The following ATG10 variants were observed in gnomAD, a reference collection of about 807,000 sequenced individuals.
ATG10 encodes the protein autophagy related 10.
ATG10 carries 30 observed loss-of-function variants against 32.1 expected under a neutral mutation model. The ratio of observed to expected loss-of-function variants is 0.94; its 90% CI spans 0.70 to 1.27. ATG10 has a LOEUF of 1.27. ATG10 is among the 50% of genes most tolerant of loss of function. The pLI is 0.00. For missense variants in ATG10, 233 were observed against 262.3 expected, an observed-to-expected ratio of 0.89 and a Z score of 0.77; for synonymous variants, 87 against 91.5, an observed-to-expected ratio of 0.95 and a Z score of 0.28.
At chr5:81,991,554 G>A (rs1225238470) in intron 2 of ATG10, among the ~76,000 whole-genome samples, 1 of 152,090 alleles carries the variant, frequency 6.6e-6, no homozygotes, top group African/African-American at 2.4e-5. Context: ...TTTACTTTGG[G>A]AGGCCAAGGC....
Position 82,079,219 on chromosome 5 carries a change from G to A in ATG10, c.216+20617G>A, listed in dbSNP as rs549998685. 3.3e-5 allele frequency among the ~76,000 whole-genome samples: 5 copies of A among 152,202 alleles called. No homozygotes were observed. The South Asian group carries it at 1.0e-3, about 32-fold the overall frequency. On this transcript the variant is annotated intron_variant, in intron 3 of 7. Transcript: ENST00000282185. ...TCATGCTGCTGATAGAGATATACCCGAGACTAGGAAGGAAAAGAGGTTTAA... is the reference window on the plus strand; with the variant it reads ...TCATGCTGCTGATAGAGATATACCCAAGACTAGGAAGGAAAAGAGGTTTAA...
At chr5:82,041,684 A>G (rs1763086338) in intron 2 of ATG10, among the ~76,000 whole-genome samples, 1 of 152,120 alleles carries the variant, frequency 6.6e-6, no homozygotes, top group South Asian at 2.1e-4. Context: ...AATGAGCTCT[A>G]GAAATCTTTG....
At chr5:82,099,091 A>T (rs1765172101) in intron 3 of ATG10, among the ~76,000 whole-genome samples, 1 of 152,188 alleles carries the variant, frequency 6.6e-6, no homozygotes, top group Admixed American at 6.5e-5. Flanking sequence ...TTCACACTGC[A>T]ACCTCACCTA....
At chr5:82,008,193 A>G (rs1401465221) in intron 2 of ATG10, among the ~76,000 whole-genome samples, 3 of 152,132 alleles carry the variant, frequency 2.0e-5, no homozygotes, top group Non-Finnish European at 2.9e-5. Flanking sequence ...TGTTTAAGTC[A>G]TCTGCTGTGA....
intron 2 of ATG10, among the ~76,000 whole-genome samples, chr5:82,019,526 C>T (rs1345011178): frequency 6.6e-6 from 1 of 152,124 alleles, no homozygotes; most frequent in Non-Finnish European, 1.5e-5. Context: ...CAGAAATCTG[C>T]CTACAGAGAC....
intron 5 of ATG10, among the ~76,000 whole-genome samples, chr5:82,241,058 A>G (rs1447114428): frequency 6.6e-6 from 1 of 152,218 alleles, no homozygotes; most frequent in African/African-American, 2.4e-5. Flanking sequence ...ATATCCCAAA[A>G]GATGTTAAGT....
At chr5:82,137,545 G>C (rs1221095744) in intron 3 of ATG10, among the ~76,000 whole-genome samples, 2 of 152,180 alleles carry the variant, frequency 1.3e-5, no homozygotes, top group East Asian at 1.9e-4. Flanking sequence ...ACCAGCGGAG[G>C]CTGCAGAACA....
chr5:82,178,538 G>A lies in ATG10; in HGVS notation c.404G>A (p.Cys135Tyr). 1 of 1,612,476 alleles carries A rather than the reference G, an allele frequency of 6.2e-7. No individual in the cohort carries two copies. The highest frequency in any genetic ancestry group is 8.5e-7 in the Non-Finnish European group (1 of 1,178,790). Residue 135 changes from cysteine to tyrosine, a missense_variant, in exon 5 of 8, where the codon TGC (cysteine) becomes TAC (tyrosine). By Grantham distance (194) the Cys-to-Tyr change is radical. Coordinates refer to ENST00000282185, the MANE Select transcript of ATG10 (RefSeq NM_031482.5). ...LKDIWEGVHE[C>Y]YKMRLLQGPW... ...GACATATGGGAAGGAGTTCATGAGTGCTATAAGATGCGACTGCTACAGGGA... is the reference window on the plus strand; with the variant it reads ...GACATATGGGAAGGAGTTCATGAGTACTATAAGATGCGACTGCTACAGGGA...
At chr5:82,112,277 T>G (rs1006998191) in intron 3 of ATG10, among the ~76,000 whole-genome samples, 2 of 151,906 alleles carry the variant, frequency 1.3e-5, no homozygotes, top group Non-Finnish European at 1.5e-5. Flanking sequence ...GAAATACAAA[T>G]TTAATGAATA....
At chr5:82,130,511 C>G (rs538784540) in intron 3 of ATG10, among the ~76,000 whole-genome samples, 1 of 152,254 alleles carries the variant, frequency 6.6e-6, no homozygotes, top group Admixed American at 6.5e-5. Context: ...TGTGGGTTGC[C>G]AAGACCGTGG....
At chr5:82,105,061 A>G (rs1252638402) in intron 3 of ATG10, among the ~76,000 whole-genome samples, 2 of 152,150 alleles carry the variant, frequency 1.3e-5, no homozygotes, top group East Asian at 1.9e-4. Flanking sequence ...ACACTTGCAC[A>G]TAATGACGTC....
At chr5:82,205,811 C>A (rs1172898909) in intron 5 of ATG10, among the ~76,000 whole-genome samples, 1 of 152,172 alleles carries the variant, frequency 6.6e-6, no homozygotes, top group Non-Finnish European at 1.5e-5. Context: ...AGCAGTGCAA[C>A]TTTGATGCAT....
chr5:82,131,517 C>T (rs963911017), intron 3 of ATG10, among the ~76,000 whole-genome samples: 12 of 151,976 alleles, frequency 7.9e-5, no homozygotes, highest in Non-Finnish European at 1.8e-4. Flanking sequence ...GTCTATATTA[C>T]AGAGTTTCTT....
chr5:82,085,171 G>A (rs1297271997), intron 3 of ATG10, among the ~76,000 whole-genome samples: 1 of 151,960 alleles, frequency 6.6e-6, no homozygotes, highest in African/African-American at 2.4e-5. Context: ...AAAAAAGCAG[G>A]GGTTGCAATC....
intron 3 of ATG10, among the ~76,000 whole-genome samples, chr5:82,064,800 T>A (rs1763888267): frequency 6.6e-6 from 1 of 152,108 alleles, no homozygotes; most frequent in Non-Finnish European, 1.5e-5. Context: ...AATAACAATA[T>A]TATAATAAAG....
rs751395558 is a variant in ATG10 at position 82,186,727 on chromosome 5, C to T, written c.453+8140C>T. 5.3e-5 allele frequency among the ~76,000 whole-genome samples: 8 copies of T among 151,454 alleles called. No individual in the cohort carries two copies. In the East Asian group the frequency reaches 5.8e-4, roughly 11 times the overall value. ...TATGCCTCAGCTTCCCAAGTAGCTGCGATTATAGTCATGCGCCACCATGCG... is the reference window on the plus strand; with the variant it reads ...TATGCCTCAGCTTCCCAAGTAGCTGTGATTATAGTCATGCGCCACCATGCG... On this transcript the variant is annotated intron_variant, in intron 5 of 7. Transcript: ENST00000282185.
intron 5 of ATG10, among the ~76,000 whole-genome samples, chr5:82,192,991 T>G (rs1035350607): frequency 6.6e-6 from 1 of 152,208 alleles, no homozygotes; most frequent in Non-Finnish European, 1.5e-5. Flanking sequence ...GACCTTCAGC[T>G]TTAGATGATT....
At chr5:82,166,865 T>G (rs951989172) in intron 4 of ATG10, among the ~76,000 whole-genome samples, 1 of 152,176 alleles carries the variant, frequency 6.6e-6, no homozygotes, top group South Asian at 2.1e-4. Flanking sequence ...CTTAGCCTTG[T>G]TTTTGACAGA....
rs186650635 is a variant in ATG10 at position 82,103,852 on chromosome 5, C to A, written c.216+45250C>A. Among the ~76,000 whole-genome samples, 6 of 152,254 alleles carry A rather than the reference C, an allele frequency of 3.9e-5. No individual in the cohort carries two copies. The East Asian group carries it at 1.2e-3, about 29-fold the overall frequency. On this transcript the variant is annotated intron_variant, in intron 3 of 7. Transcript: ENST00000282185. The stretch of plus-strand genomic sequence containing the variant: ...ACTTTACCAGCACTCAGGACTCTCT[C>A]TTGACATTTTCAGTTACTACCTGCC...
Sources: allele counts gnomAD v4.1 joint callset (sites outside exome capture counted in the v4.1 genomes callset), GRCh38; gene constraint gnomAD v4.1.1; transcripts MANE v1.5; gene names NCBI Gene and HGNC (gene_info 2026-07-23, HGNC 2026-07-21).